Variants in ADAM7 observed in about 807,000 individuals in gnomAD.
ADAM7 encodes disintegrin and metalloproteinase domain-containing protein 7.
A neutral mutation model predicts 102.9 loss-of-function variants in ADAM7; 97 were observed. The observed-to-expected ratio is 0.94, with a 90% CI of 0.80 to 1.12. ADAM7 has a LOEUF of 1.12. Ranked by LOEUF, ADAM7 falls within the 50% of genes most tolerant of loss-of-function variation. The pLI, the probability that ADAM7 is intolerant of heterozygous loss-of-function variation, is 0.00. For synonymous variants in ADAM7, 334 were observed against 304.4 expected (o/e 1.10, Z -1.01); for missense variants, 991 against 908.7 (o/e 1.09, Z -1.16).
At chr8:24,457,806 T>C (rs1159069481) in intron 3 of ADAM7, among the ~76,000 whole-genome samples, 1 of 152,130 alleles carries the variant, frequency 6.6e-6, no homozygotes, top group Non-Finnish European at 1.5e-5. Flanking sequence ...TTCATAGTTT[T>C]AGCTTTTAGT....
intron 16 of ADAM7, among the ~76,000 whole-genome samples, chr8:24,497,492 C>T (rs1563396042): frequency 6.6e-6 from 1 of 151,124 alleles, no homozygotes; most frequent in Admixed American, 6.6e-5. Flanking sequence ...TTGGATATTA[C>T]AAAAAAAATC....
chr8:24,471,183 G>C (rs189247873), intron 7 of ADAM7, among the ~76,000 whole-genome samples: 161 of 152,142 alleles, frequency 1.1e-3, no homozygotes, highest in African/African-American at 3.6e-3. Flanking sequence ...GAATGTGTTT[G>C]ATTTTAAACT....
chr8:24,490,751 G>A (rs1410030844), intron 12 of ADAM7, 48 bp from the exon 13 acceptor site: 1 of 1,568,794 alleles, frequency 6.4e-7, no homozygotes, highest in Non-Finnish European at 8.7e-7. Flanking sequence ...TCAAACAGGA[G>A]TCAGAGTACA....
chr8:24,504,318 T>C (rs369115480), intron 20 of ADAM7, among the ~76,000 whole-genome samples: 2 of 152,078 alleles, frequency 1.3e-5, no homozygotes, highest in East Asian at 3.9e-4. Flanking sequence ...CAGTGAGCTA[T>C]GATCATGCCA....
rs151298467 is a variant in ADAM7, at chr8:24,488,561, C to T, written c.1092-598C>T. On this transcript the variant is annotated intron_variant, in intron 11 of 21. Transcript: ENST00000175238. ...TTTTACAGAGTCCTAGTATCTCAGTCTAATGTGATCAAGACTCTAAAGACC... is the reference window on the plus strand; with the variant it reads ...TTTTACAGAGTCCTAGTATCTCAGTTTAATGTGATCAAGACTCTAAAGACC... Among the ~76,000 whole-genome samples, 506 of 152,018 alleles carry T rather than the reference C, an allele frequency of 3.3e-3. 6 individuals carry two copies. The highest frequency in any genetic ancestry group is 0.021 in the South Asian group (100 of 4,812).
intron 2 of ADAM7, 86 bp downstream of exon 2, chr8:24,442,662 GGA>G: frequency 9.4e-7 from 1 of 1,067,830 alleles, no homozygotes; most frequent in Non-Finnish European, 1.4e-6. Flanking sequence ...AAGCAAATAG[GGA>G]GAGAGGAGTT....
chr8:24,465,651 T>G, intron 4 of ADAM7, 48 bp from the exon 5 acceptor site: 1 of 1,207,732 alleles, frequency 8.3e-7, no homozygotes, highest in Non-Finnish European at 1.1e-6. Flanking sequence ...AGTATCTATA[T>G]AAAATCAATA....
intron 9 of ADAM7, among the ~76,000 whole-genome samples, chr8:24,483,077 T>C (rs1051568424): frequency 6.6e-6 from 1 of 152,144 alleles, no homozygotes; most frequent in African/African-American, 2.4e-5. Flanking sequence ...TACTATACAA[T>C]TGAACAAACA....
At position 24,508,890 on chromosome 8, in the gene ADAM7, T is replaced by G. The variant is rs1821034589; in HGVS notation, c.*344T>G. 3 of 1,134,184 alleles carry G rather than the reference T, an allele frequency of 2.6e-6. No homozygotes were observed. 70.3% of individuals were successfully genotyped at this position (1,134,184 alleles called of 1,614,324 possible). On this transcript the variant is annotated 3_prime_UTR_variant, in exon 22 of 22. Coordinates refer to ENST00000175238, the MANE Select transcript of ADAM7 (RefSeq NM_003817.4). ...GAATCCAAACTTTAAGGATGATAAC[T>G]TACAGTCTAAGAAGAAAACATTGCA...
intron 3 of ADAM7, among the ~76,000 whole-genome samples, chr8:24,460,722 CAT>C (rs1819209391): frequency 1.4e-5 from 2 of 147,218 alleles, no homozygotes; most frequent in South Asian, 2.2e-4. Context: ...TACATATACA[CAT>C]ATATATGTGT....
At chr8:24,489,639 C>T (rs1325769400) in intron 12 of ADAM7, among the ~76,000 whole-genome samples, 1 of 152,124 alleles carries the variant, frequency 6.6e-6, no homozygotes, top group African/African-American at 2.4e-5. Flanking sequence ...TCTGATGTCT[C>T]ATGCAGAGTC....
chr8:24,501,685 AG>A (rs1820766284), intron 20 of ADAM7, 109 bp downstream of exon 20: 1 of 719,666 alleles, frequency 1.4e-6, no homozygotes, highest in Non-Finnish European at 2.2e-6. Context: ...GGAAGTGCAG[AG>A]GAGCAATTTA....
chr8:24,506,790 C>CACACACAAAAAAAA (rs1820966198), intron 20 of ADAM7, among the ~76,000 whole-genome samples: 1 of 140,824 alleles, frequency 7.1e-6, no homozygotes, highest in African/African-American at 2.6e-5. Flanking sequence ...CACACACACA[C>CACACACAAAAAAAA]AAAATAGAAC....
Position 24,508,703 on chromosome 8 carries a change from A to C in ADAM7, c.*157A>C, listed in dbSNP as rs73548751. On this transcript the variant is annotated 3_prime_UTR_variant, in exon 22 of 22. Transcript: ENST00000175238. ...AGACAATGTTTAAGAGAAACAACTT[A>C]TTTCTGTTAATATTTACCGGTAGAA... The C allele has an allele frequency of 2.8e-3, 4,117 of 1,461,526 alleles. 96 individuals carry two copies. The African/African-American group carries it at 0.05, about 18-fold the overall frequency. 90.5% of individuals were successfully genotyped at this position (1,461,526 alleles called of 1,614,324 possible). A position where few individuals can be genotyped will look rare whatever the true frequency, so the allele number is the denominator to read the frequency against.
chr8:24,498,486 A>C (rs891903192), intron 16 of ADAM7, among the ~76,000 whole-genome samples: 7 of 151,436 alleles, frequency 4.6e-5, no homozygotes, highest in Non-Finnish European at 8.9e-5. Context: ...TGATAAATAT[A>C]GTAAAAGGTA....
At chr8:24,480,042 T>C (rs540498868) in intron 8 of ADAM7, among the ~76,000 whole-genome samples, 2 of 152,286 alleles carry the variant, frequency 1.3e-5, no homozygotes, top group East Asian at 1.9e-4. Context: ...ATTTCCCCCA[T>C]GCCTTTTTGT....
intron 17 of ADAM7, among the ~76,000 whole-genome samples, chr8:24,499,519 A>T (rs1234424251): frequency 6.6e-6 from 1 of 152,156 alleles, no homozygotes; most frequent in Non-Finnish European, 1.5e-5. Flanking sequence ...ACACAGATAC[A>T]GCCAGTATTA....
chr8:24,444,766 G>A (rs1818491889), intron 2 of ADAM7, among the ~76,000 whole-genome samples: 1 of 151,654 alleles, frequency 6.6e-6, no homozygotes, highest in African/African-American at 2.4e-5. Context: ...TAAACGTAGT[G>A]TGGAATCTGG....
At chr8:24,455,502 G>A (rs1202157259) in intron 3 of ADAM7, among the ~76,000 whole-genome samples, 1 of 152,122 alleles carries the variant, frequency 6.6e-6, no homozygotes, top group Non-Finnish European at 1.5e-5. Context: ...TCAACCTCCT[G>A]GGCTCAGGTG....
Sources: allele counts gnomAD v4.1 joint callset (sites outside exome capture counted in the v4.1 genomes callset), GRCh38; gene constraint gnomAD v4.1.1; transcripts MANE v1.5; gene names NCBI Gene and HGNC (gene_info 2026-07-23, HGNC 2026-07-21).